The following TBX6 variants were observed in gnomAD, a reference collection of about 807,000 sequenced individuals.
The protein encoded by TBX6 is T-box transcription factor TBX6.
Under a neutral mutation model 42.3 loss-of-function variants are expected in TBX6, and 29 were observed. The ratio of observed to expected loss-of-function variants is 0.69; its 90% CI spans 0.51 to 0.93. The LOEUF (loss-of-function observed/expected upper bound fraction) is 0.93, where lower values mean the gene tolerates loss of function less well. Among genes scored for constraint, TBX6 ranks in the 40% least tolerant of loss-of-function variants. TBX6 has a pLI of 0.00. For missense variants in TBX6, 569 were observed against 603.3 expected (o/e 0.94, Z 0.59); for synonymous variants, 249 against 245.1 (o/e 1.02, Z -0.15).
At position 30,086,386 on chromosome 16, in the gene TBX6, C is replaced by A; in HGVS notation, c.1150G>T (p.Ala384Ser). Reference sequence around the variant, plus strand: ...CCGTGCGGCAGCTCCAGAAATGCAGCCGAGTAGGGGGCTGAGCGCCCGGAG... The same window carrying A: ...CCGTGCGGCAGCTCCAGAAATGCAGACGAGTAGGGGGCTGAGCGCCCGGAG... ...PDSGRSAPYS[A>S]AFLELPHGSG... Residue 384 changes from alanine to serine, a missense_variant, in exon 9 of 9, where the codon GCT becomes TCT. By Grantham distance (99) the Ala-to-Ser change is moderately conservative (BLOSUM62 1). Around this residue, in one of 3 missense-constraint regions of TBX6, gnomAD observed 245 missense variants for 227.4 expected, o/e 1.08. Coordinates refer to ENST00000395224, the MANE Select transcript of TBX6 (RefSeq NM_004608.4). This position sits in a 1 kb window ranked among gnomAD's most constrained non-coding sequence, Gnocchi z 4.6. The A allele has an allele frequency of 6.4e-7, 1 of 1,569,898 alleles. No individual in the cohort carries two copies. The highest frequency in any genetic ancestry group is 1.4e-5 in the African/African-American group (1 of 72,246).
At position 30,088,410 on chromosome 16, in the gene TBX6, A is replaced by C; in HGVS notation, c.839+135T>G. 8.2e-7 allele frequency: 1 copy of C among 1,213,776 alleles called. No individual in the cohort carries two copies. The allele number at this position is 1,213,776 out of a possible 1,614,324, so 75.2% of individuals were successfully genotyped here. A position where few individuals can be genotyped will look rare whatever the true frequency, so the allele number is the denominator to read the frequency against. ...CCCTGGCACATAGCAGGTACTATATAAGTATTTGCTGAGTCAGTGAATGAA... is the reference window on the plus strand; with the variant it reads ...CCCTGGCACATAGCAGGTACTATATCAGTATTTGCTGAGTCAGTGAATGAA... On this transcript the variant is annotated intron_variant, in intron 6 of 8. Coordinates refer to ENST00000395224, the MANE Select transcript of TBX6 (RefSeq NM_004608.4). The surrounding 1 kb of genome is among the most constrained non-coding windows in gnomAD (Gnocchi z 4.1).
In TBX6 at chr16:30,089,009, C is replaced by G; in HGVS notation, c.555G>C (p.Trp185Cys). The G allele has an allele frequency of 6.2e-7, 1 of 1,613,964 alleles. No homozygotes were observed. Among genetic ancestry groups the G allele is most frequent in the Non-Finnish European group, 8.5e-7 (1 of 1,179,900 alleles). Reference protein sequence around the residue: ...HPDSPATGAHWMRQPVSFHRV... With the variant: ...HPDSPATGAHCMRQPVSFHRV... ...GATGGAAAGACACAGGCTGCCGCAT[C>G]CAATGTGCACCAGTGGCAGGAGAGT... Residue 185 changes from tryptophan (W) to cysteine (C), a missense_variant, in exon 4 of 9, where the codon TGG becomes TGC. Physicochemically the swap from Trp to Cys is radical, Grantham distance 215. Transcript: ENST00000395224.
Position 30,088,278 on chromosome 16 carries a change from A to C in TBX6, c.839+267T>G. On this transcript the variant is annotated intron_variant, in intron 6 of 8. Transcript: ENST00000395224. The surrounding 1 kb of genome is among the most constrained non-coding windows in gnomAD (Gnocchi z 4.1). ...ATGGCTTCCTAACAGATGACATTTT[A>C]TTTATTTCTCTTGTCTGCTTGTCTA... 1 of 506,456 alleles carries C rather than the reference A, an allele frequency of 2.0e-6. No homozygotes were observed. The allele number at this position is 506,456 out of a possible 1,614,324, so 31.4% of individuals were successfully genotyped here. A position where few individuals can be genotyped will look rare whatever the true frequency, so the allele number is the denominator to read the frequency against.
In TBX6 at chr16:30,085,836, C is replaced by G. The variant is rs1318523028; in HGVS notation, c.*389G>C. ...CTTTTGAGTTTTATTAACAAAAATACTCTGGTCCCAGAACAACAGACTGGT... is the reference window on the plus strand; with the variant it reads ...CTTTTGAGTTTTATTAACAAAAATAGTCTGGTCCCAGAACAACAGACTGGT... On this transcript the variant is annotated 3_prime_UTR_variant, in exon 9 of 9. Transcript: ENST00000395224. The G allele has an allele frequency of 1.3e-5, 3 of 227,646 alleles. No homozygotes were observed. The highest frequency in any genetic ancestry group is 2.6e-5 in the Non-Finnish European group (3 of 116,544). 14.1% of individuals were successfully genotyped at this position (227,646 alleles called of 1,614,324 possible). A position where few individuals can be genotyped will look rare whatever the true frequency, so the allele number is the denominator to read the frequency against.
At chr16:30,089,728 G>A (rs1333922792) in intron 3 of TBX6, among the ~76,000 whole-genome samples, 6 of 151,862 alleles carry the variant, frequency 4.0e-5, no homozygotes, top group African/African-American at 1.5e-4. Flanking sequence ...TCAGAAGTTT[G>A]AGACCAGCCT....
chr16:30,089,293 C>T (rs1220244804), intron 3 of TBX6, 83 bp from the exon 4 acceptor site: 12 of 1,520,962 alleles, frequency 7.9e-6, no homozygotes, highest in East Asian at 2.3e-5. Context: ...GACATAACAA[C>T]GGGCTCCCCA....
In TBX6 at chr16:30,088,955, G is replaced by A. The variant is rs778736698; in HGVS notation, c.609C>T (p.Asp203=). The A allele has an allele frequency of 1.2e-5, 20 of 1,608,844 alleles. No homozygotes were observed. The highest frequency in any genetic ancestry group is 3.3e-5 in the Admixed American group (2 of 59,834). ...HRVKLTNSTL[D]PHGHLILHSM... is the part of the protein sequence containing the mutation. ...GCCTGGGCCTCACGTGGCCGTGGGGGTCCAGCGTGCTGTTGGTGAGCTTGA... is the reference window on the plus strand; with the variant it reads ...GCCTGGGCCTCACGTGGCCGTGGGGATCCAGCGTGCTGTTGGTGAGCTTGA... Residue 203 remains aspartate, a synonymous_variant, in exon 4 of 9, where the codon GAC becomes GAT. Transcript: ENST00000395224. This position sits in a 1 kb window ranked among gnomAD's most constrained non-coding sequence, Gnocchi z 4.1.
Position 30,085,988 on chromosome 16 carries a change from GGAGGTGAGA to G in TBX6, c.*228_*236del. 1 of 522,236 alleles carries G rather than the reference GGAGGTGAGA, an allele frequency of 1.9e-6. No homozygotes were observed. The highest frequency in any genetic ancestry group is 3.4e-6 in the Non-Finnish European group (1 of 297,252). The allele number at this position is 522,236 out of a possible 1,614,324, so 32.4% of individuals were successfully genotyped here. ...CAGGCAGAGCCCCTTCCATTCACAC[GGAGGTGAGA>G]GCCGGGAAGGGGAAGCCGGCCCCAG... is the stretch of plus-strand genomic sequence containing the variant. On this transcript the variant is annotated 3_prime_UTR_variant, in exon 9 of 9. Coordinates refer to ENST00000395224, the MANE Select transcript of TBX6 (RefSeq NM_004608.4).
intron 6 of TBX6, 152 bp from the exon 7 acceptor site, chr16:30,087,003 C>T (rs2072644847): frequency 1.2e-5 from 10 of 839,448 alleles, no homozygotes; most frequent in Non-Finnish European, 1.8e-5. Context: ...AAACTGAAGG[C>T]CAGAAAATTA....
rs1426729008 is a variant in TBX6, at chr16:30,090,858, G to A, written c.253C>T (p.Leu85Phe). ...TEPAPSAPEALHSLPGVSLSL... is the reference protein window; with the variant it reads ...TEPAPSAPEAFHSLPGVSLSL... ...AGGCTGACCCCCGGGAGGGAATGGAGGGCCTCTGGAGCTGATGGGGCCGGC... is the reference window on the plus strand; with the variant it reads ...AGGCTGACCCCCGGGAGGGAATGGAAGGCCTCTGGAGCTGATGGGGCCGGC... The change falls in exon 3 of 9, where the codon CTC (leucine) becomes TTC (phenylalanine). Residue 85 changes from leucine to phenylalanine, a missense_variant. This residue lies in a region of TBX6 where 134 missense variants were observed against 125.3 expected (regional missense o/e 1.07). Coordinates refer to ENST00000395224, the MANE Select transcript of TBX6 (RefSeq NM_004608.4). The A allele has an allele frequency of 6.2e-7, 1 of 1,606,182 alleles. No individual in the cohort carries two copies.
Position 30,088,806 on chromosome 16 carries a change from G to A in TBX6, c.655C>T (p.Arg219Cys), listed in dbSNP as rs374063359. Residue 219 changes from arginine to cysteine, a missense_variant, in exon 5 of 9, where the codon CGC becomes TGC. Coordinates refer to ENST00000395224, the MANE Select transcript of TBX6 (RefSeq NM_004608.4). This position sits in a 1 kb window ranked among gnomAD's most constrained non-coding sequence, Gnocchi z 4.1. ...TGGGCTGCCCGAACTAGGTGTATGC[G>A]GGGTTGGTACTTGTGCATGGAGTGC... ...ILHSMHKYQP[R>C]IHLVRAAQLC... The A allele has an allele frequency of 1.3e-5, 21 of 1,614,018 alleles. No homozygotes were observed. The highest frequency in any genetic ancestry group is 4.0e-5 in the African/African-American group (3 of 74,922).
Position 30,086,745 on chromosome 16 carries a change from G to A in TBX6, c.913+33C>T, listed in dbSNP as rs777821200. ...GGGCTAGGGAGGATCCCTGTCTCAG[G>A]CCTGGCCCCATCGCCATCGGGACTA... On this transcript the variant is annotated intron_variant, in intron 7 of 8. Coordinates refer to ENST00000395224, the MANE Select transcript of TBX6 (RefSeq NM_004608.4). This position sits in a 1 kb window ranked among gnomAD's most constrained non-coding sequence, Gnocchi z 4.6. 1 of 1,613,586 alleles carries A rather than the reference G, an allele frequency of 6.2e-7. No homozygotes were observed. The highest frequency in any genetic ancestry group is 8.5e-7 in the Non-Finnish European group (1 of 1,179,786).
rs1158172798 is a variant in TBX6, at chr16:30,090,987, C to T, written c.124G>A (p.Asp42Asn). ...AGGAAGCAATCCAGTTTAGGGGTGT[C>T]CAGTTCTGGAAGCCGGGGAAGAATG... ...LAEGYRYPEL[D>N]TPKLDCFLSG... The change falls in exon 3 of 9, where the codon GAC (aspartate) becomes AAC (asparagine). Residue 42 changes from aspartate to asparagine, a missense_variant. Around this residue, in one of 3 missense-constraint regions of TBX6, gnomAD observed 134 missense variants for 125.3 expected, o/e 1.07. Coordinates refer to ENST00000395224, the MANE Select transcript of TBX6 (RefSeq NM_004608.4). The T allele has an allele frequency of 1.9e-6, 3 of 1,612,990 alleles. No homozygotes were observed. Among genetic ancestry groups the T allele is most frequent in the Non-Finnish European group, 1.7e-6 (2 of 1,179,578 alleles).
rs1596855362 is a variant in TBX6 at position 30,090,790 on chromosome 16, C to G, written c.321G>C (p.Val107=). 4 of 1,606,606 alleles carry G rather than the reference C, an allele frequency of 2.5e-6. No individual in the cohort carries two copies. The highest frequency in any genetic ancestry group is 3.3e-4 in the Middle Eastern group (2 of 6,012). ...NRELWKEFSS[V]GTEMIITKAG... is the part of the protein sequence containing the mutation. Reference sequence around the variant, plus strand: ...CTTTGGTGATGATCATTTCTGTTCCCACAGAGCTGAACTCCTTCCATAGCT... The same window carrying G: ...CTTTGGTGATGATCATTTCTGTTCCGACAGAGCTGAACTCCTTCCATAGCT... Residue 107 remains valine, a synonymous_variant, in exon 3 of 9, where the codon GTG becomes GTC. Transcript: ENST00000395224.
chr16:30,087,202 C>T (rs1434985149), intron 6 of TBX6, among the ~76,000 whole-genome samples: 1 of 152,168 alleles, frequency 6.6e-6, no homozygotes, highest in Non-Finnish European at 1.5e-5. Flanking sequence ...CCCCTCTTCA[C>T]GGGCTGAACC....
chr16:30,091,258 T>A lies in TBX6; in HGVS notation c.-48-17A>T. The A allele has an allele frequency of 7.8e-7, 1 of 1,282,556 alleles. No individual in the cohort carries two copies. The highest frequency in any genetic ancestry group is 1.1e-6 in the Non-Finnish European group (1 of 942,402). 79.4% of individuals were successfully genotyped at this position (1,282,556 alleles called of 1,614,324 possible). The stretch of plus-strand genomic sequence containing the variant: ...CCCCCGGTGCTGCGAGATGCCCCCT[T>A]TATAGCTCACAGCTCAGCCCCTTCC... On this transcript the variant is annotated splice_polypyrimidine_tract_variant and intron_variant, in intron 1 of 8. Transcript: ENST00000395224.
Position 30,089,141 on chromosome 16 carries a change from C to A in TBX6, c.423G>T (p.Leu141=), listed in dbSNP as rs1332361096. The A allele has an allele frequency of 8.1e-6, 13 of 1,614,000 alleles. No homozygotes were observed. The East Asian group carries it at 2.9e-4, about 36-fold the overall frequency. The part of the protein sequence containing the change: ...LDPEARYLFL[L]DVIPVDGARY... ...GAGCCCCATCCACCGGAATCACATC[C>A]AGAAGAAACAAGTAGCGGGCCTCGG... is the stretch of plus-strand genomic sequence containing the variant. Residue 141 remains leucine, a synonymous_variant, in exon 4 of 9, where the codon CTG becomes CTT. Coordinates refer to ENST00000395224, the MANE Select transcript of TBX6 (RefSeq NM_004608.4).
Position 30,091,126 on chromosome 16 carries a change from C to T in TBX6, c.68G>A (p.Gly23Glu). Residue 23 changes from glycine to glutamate, a missense_variant, in exon 2 of 9, where the codon GGG becomes GAG. Physicochemically the swap from Gly to Glu is moderately conservative, Grantham distance 98. This residue lies in a region of TBX6 where 134 missense variants were observed against 125.3 expected (regional missense o/e 1.07). Coordinates refer to ENST00000395224, the MANE Select transcript of TBX6 (RefSeq NM_004608.4). ...GGCGGGTGGGAAGCTGGAGTCGGCC[C>T]CAGGTTGGGCGGGCCCCAGGCGGTA... ...AGYRLGPAQPGADSSFPPALA... is the reference protein window; with the variant it reads ...AGYRLGPAQPEADSSFPPALA... 6.3e-7 allele frequency: 1 copy of T among 1,590,922 alleles called. No individual in the cohort carries two copies. The highest frequency in any genetic ancestry group is 8.5e-7 in the Non-Finnish European group (1 of 1,170,382).
In TBX6 at chr16:30,091,254, C is replaced by T; in HGVS notation, c.-48-13G>A. The T allele has an allele frequency of 7.7e-7, 1 of 1,293,572 alleles. No homozygotes were observed. Among genetic ancestry groups the T allele is most frequent in the Non-Finnish European group, 1.1e-6 (1 of 951,304 alleles). The allele number at this position is 1,293,572 out of a possible 1,614,324, so 80.1% of individuals were successfully genotyped here. A position where few individuals can be genotyped will look rare whatever the true frequency, so the allele number is the denominator to read the frequency against. On this transcript the variant is annotated splice_polypyrimidine_tract_variant and intron_variant, in intron 1 of 8. Transcript: ENST00000395224. Reference sequence around the variant, plus strand: ...AGGGCCCCCGGTGCTGCGAGATGCCCCCTTTATAGCTCACAGCTCAGCCCC... The same window carrying T: ...AGGGCCCCCGGTGCTGCGAGATGCCTCCTTTATAGCTCACAGCTCAGCCCC...
Sources: allele counts gnomAD v4.1 joint callset (sites outside exome capture counted in the v4.1 genomes callset), GRCh38; gene constraint gnomAD v4.1.1; regional missense constraint gnomAD v4.1.1; non-coding constraint Gnocchi (gnomAD v3.1); transcripts MANE v1.5; gene names NCBI Gene and HGNC (gene_info 2026-07-23, HGNC 2026-07-21).